Variants in NKAIN2 observed in about 807,000 individuals in gnomAD.
NKAIN2 encodes sodium/potassium-transporting ATPase subunit beta-1-interacting protein 2.
NKAIN2 carries 14 observed loss-of-function variants against 32.6 expected under a neutral mutation model. The ratio of observed to expected loss-of-function variants is 0.43; its 90% CI spans 0.28 to 0.67. The LOEUF is 0.67. Ranked by LOEUF, NKAIN2 falls within the 30% of genes least tolerant of loss-of-function variation. The pLI is 0.17. For synonymous variants in NKAIN2, 80 were observed against 87.2 expected (o/e 0.92, Z 0.46); for missense variants, 198 against 258.3 (o/e 0.77, Z 1.60).
At chr6:123,959,565 T>TAA (rs1777746349) in intron 1 of NKAIN2, among the ~76,000 whole-genome samples, 1 of 152,216 alleles carries the variant, frequency 6.6e-6, no homozygotes, top group South Asian at 2.1e-4. Flanking sequence ...AGGGGTATAT[T>TAA]CATACCCTTT....
chr6:123,852,693 G>T (rs1235803979), intron 1 of NKAIN2, among the ~76,000 whole-genome samples: 1 of 152,148 alleles, frequency 6.6e-6, no homozygotes, highest in Non-Finnish European at 1.5e-5. Flanking sequence ...CCTATCATTT[G>T]CAACAACATA....
At chr6:124,284,589 T>G (rs2114926328) in intron 2 of NKAIN2, among the ~76,000 whole-genome samples, 1 of 152,190 alleles carries the variant, frequency 6.6e-6, no homozygotes, top group East Asian at 1.9e-4. Flanking sequence ...TATGTAAATA[T>G]TTCATCTTTA....
chr6:123,938,614 T>A (rs1255434886), intron 1 of NKAIN2, among the ~76,000 whole-genome samples: 2 of 141,616 alleles, frequency 1.4e-5, no homozygotes, highest in Non-Finnish European at 3.1e-5. Context: ...TATTTTTATA[T>A]ATTATATATA....
At chr6:123,914,464 T>C (rs1175417292) in intron 1 of NKAIN2, among the ~76,000 whole-genome samples, 1 of 152,126 alleles carries the variant, frequency 6.6e-6, no homozygotes, top group African/African-American at 2.4e-5. Flanking sequence ...GGACCCACCA[T>C]TATGGCTTTA....
intron 4 of NKAIN2, among the ~76,000 whole-genome samples, chr6:124,746,484 T>TA (rs1331265724): frequency 1.3e-5 from 2 of 151,844 alleles, no homozygotes; most frequent in African/African-American, 4.8e-5. Flanking sequence ...GTTATTAAAA[T>TA]AATAGCAGGA....
At chr6:124,156,303 G>T (rs1486702836) in intron 1 of NKAIN2, among the ~76,000 whole-genome samples, 1 of 152,052 alleles carries the variant, frequency 6.6e-6, no homozygotes, top group Non-Finnish European at 1.5e-5. Context: ...TTTAAAATTG[G>T]TTTCGATGAT....
chr6:124,628,432 T>C (rs1783439919), intron 3 of NKAIN2, among the ~76,000 whole-genome samples: 1 of 152,130 alleles, frequency 6.6e-6, no homozygotes, highest in Non-Finnish European at 1.5e-5. Context: ...GTTGAAGAAA[T>C]ATAATCTTAG....
intron 1 of NKAIN2, among the ~76,000 whole-genome samples, chr6:123,923,610 CAT>C: frequency 6.6e-6 from 1 of 151,338 alleles, no homozygotes; most frequent in East Asian, 2.0e-4. Flanking sequence ...ACTATGCAGC[CAT>C]AAAAAATGAT....
Position 123,974,826 on chromosome 6 carries a change from C to T in NKAIN2, c.54+170572C>T, listed in dbSNP as rs138569790. On this transcript the variant is annotated intron_variant, in intron 1 of 6. Transcript: ENST00000368417. ...ACATTTTAATGGAACTCAGAGAAGA[C>T]TAAATTTGTTGTCTGCACAACTCTT... Among the ~76,000 whole-genome samples the T allele has an allele frequency of 1.1e-4, 17 of 152,260 alleles. No individual in the cohort carries two copies. The East Asian group carries it at 3.3e-3, about 29-fold the overall frequency.
intron 1 of NKAIN2, among the ~76,000 whole-genome samples, chr6:124,245,932 A>G (rs1793372651): frequency 6.6e-6 from 1 of 152,154 alleles, no homozygotes; most frequent in African/African-American, 2.4e-5. Context: ...CTGAATGTTA[A>G]CTATTGATAA....
At chr6:124,182,386 CATT>C (rs1488811091) in intron 1 of NKAIN2, among the ~76,000 whole-genome samples, 4 of 152,098 alleles carry the variant, frequency 2.6e-5, no homozygotes, top group African/African-American at 9.7e-5. Context: ...AAAAACAAGT[CATT>C]ATGAGTTACT....
At chr6:123,916,856 A>G (rs565805153) in intron 1 of NKAIN2, among the ~76,000 whole-genome samples, 1 of 151,862 alleles carries the variant, frequency 6.6e-6, no homozygotes, top group African/African-American at 2.4e-5. Flanking sequence ...CTACCTACCT[A>G]TCTGTCATCT....
chr6:124,358,017 C>T (rs937057980), intron 3 of NKAIN2, among the ~76,000 whole-genome samples: 6 of 152,138 alleles, frequency 3.9e-5, no homozygotes, highest in African/African-American at 1.4e-4. Flanking sequence ...TGAGTGAGAA[C>T]ATGCGGTGTT....
intron 3 of NKAIN2, among the ~76,000 whole-genome samples, chr6:124,364,733 G>A (rs1241950133): frequency 1.3e-5 from 2 of 151,790 alleles, no homozygotes; most frequent in Non-Finnish European, 2.9e-5. Context: ...AAATACTAAA[G>A]GTAGTTCTTT....
At chr6:124,777,645 A>G (rs1779040974) in intron 4 of NKAIN2, among the ~76,000 whole-genome samples, 1 of 152,154 alleles carries the variant, frequency 6.6e-6, no homozygotes, top group Non-Finnish European at 1.5e-5. Flanking sequence ...GAAGTTGTGA[A>G]GGTTGAAATT....
intron 4 of NKAIN2, among the ~76,000 whole-genome samples, chr6:124,697,999 C>T (rs957992188): frequency 4.6e-5 from 7 of 152,112 alleles, no homozygotes; most frequent in African/African-American, 1.7e-4. Context: ...ACACCTGTGA[C>T]TGAACAGGTG....
At chr6:123,995,028 T>C (rs1779559840) in intron 1 of NKAIN2, among the ~76,000 whole-genome samples, 1 of 152,170 alleles carries the variant, frequency 6.6e-6, no homozygotes, top group Non-Finnish European at 1.5e-5. Context: ...GTTTTAGCTC[T>C]CTAAAGGAAA....
intron 2 of NKAIN2, among the ~76,000 whole-genome samples, chr6:124,312,701 C>T (rs898291839): frequency 6.6e-5 from 10 of 151,998 alleles, no homozygotes; most frequent in Non-Finnish European, 1.3e-4. Context: ...TGGCTAGTTA[C>T]GATTGAAGCA....
intron 1 of NKAIN2, among the ~76,000 whole-genome samples, chr6:124,228,419 G>A (rs541479301): frequency 6.6e-6 from 1 of 152,128 alleles, no homozygotes. Flanking sequence ...CTCTGGAACT[G>A]TGAGTAATAA....
Sources: allele counts gnomAD v4.1 joint callset (sites outside exome capture counted in the v4.1 genomes callset), GRCh38; gene constraint gnomAD v4.1.1; transcripts MANE v1.5; gene names NCBI Gene and HGNC (gene_info 2026-07-23, HGNC 2026-07-21).